The following GALNTL6 variants were observed in gnomAD, a reference collection of about 807,000 sequenced individuals.
GALNTL6 encodes the protein polypeptide N-acetylgalactosaminyltransferase like 6.
A neutral mutation model predicts 73.7 loss-of-function variants in GALNTL6; 46 were observed. That is an observed-to-expected ratio of 0.62 (90% CI 0.49 to 0.80). The LOEUF is 0.80. Among genes scored for constraint, GALNTL6 ranks in the 30% least tolerant of loss-of-function variants. GALNTL6 has a pLI of 0.00. For synonymous variants in GALNTL6, 259 were observed against 263.7 expected (o/e 0.98, Z 0.17); for missense variants, 604 against 755.0 (o/e 0.80, Z 2.34).
chr4:172,777,400 C>T (rs114932344), intron 5 of GALNTL6, among the ~76,000 whole-genome samples: 70 of 152,182 alleles, frequency 4.6e-4, no homozygotes, highest in African/African-American at 1.6e-3. Context: ...GTATTTTTCC[C>T]GTATTACCTC....
At chr4:172,033,324 A>G (rs1295940607) in intron 2 of GALNTL6, among the ~76,000 whole-genome samples, 1 of 152,044 alleles carries the variant, frequency 6.6e-6, no homozygotes, top group Non-Finnish European at 1.5e-5. Flanking sequence ...AAATATAAAT[A>G]TCGTAGTATT....
intron 5 of GALNTL6, among the ~76,000 whole-genome samples, chr4:172,421,540 T>A (rs1181436712): frequency 1.3e-5 from 2 of 151,888 alleles, no homozygotes; most frequent in African/African-American, 4.8e-5. Context: ...TATAAATTCA[T>A]AATTTATAGA....
intron 2 of GALNTL6, among the ~76,000 whole-genome samples, chr4:171,874,246 A>G (rs1471098279): frequency 1.3e-5 from 2 of 152,320 alleles, no homozygotes; most frequent in South Asian, 4.1e-4. Flanking sequence ...TCTGTCATCC[A>G]GGCTGGAGGG....
At chr4:172,007,504 C>T (rs1020910668) in intron 2 of GALNTL6, among the ~76,000 whole-genome samples, 1 of 152,028 alleles carries the variant, frequency 6.6e-6, no homozygotes, top group East Asian at 1.9e-4. Context: ...AATCAAGTAA[C>T]AGCAGCAATT....
chr4:172,454,948 A>G (rs1053910561), intron 5 of GALNTL6, among the ~76,000 whole-genome samples: 1 of 152,158 alleles, frequency 6.6e-6, no homozygotes, highest in African/African-American at 2.4e-5. Context: ...GAACAGCTCC[A>G]GTCTGCAGCT....
intron 2 of GALNTL6, among the ~76,000 whole-genome samples, chr4:171,967,451 T>TTTTTTTTTG (rs1553976664): frequency 1.5e-5 from 1 of 67,808 alleles, no homozygotes; most frequent in African/African-American, 4.3e-5. Context: ...CTATGGGTTT[T>TTTTTTTTTG]TTTTTTTTTT....
intron 2 of GALNTL6, among the ~76,000 whole-genome samples, chr4:172,144,968 T>A (rs1303586551): frequency 6.6e-6 from 1 of 151,738 alleles, no homozygotes; most frequent in African/African-American, 2.4e-5. Flanking sequence ...AATACAACAT[T>A]TTTTTTTGAG....
chr4:171,814,311 G>A (rs542011970), intron 1 of GALNTL6, 101 bp from the exon 2 acceptor site: 1 of 523,726 alleles, frequency 1.9e-6, no homozygotes, highest in Admixed American at 3.4e-5. Context: ...AGGTCAATGG[G>A]CTTAATGATT....
At chr4:172,153,203 G>A (rs1295461323) in intron 2 of GALNTL6, among the ~76,000 whole-genome samples, 1 of 152,112 alleles carries the variant, frequency 6.6e-6, no homozygotes, top group Non-Finnish European at 1.5e-5. Context: ...AAGAGATTTT[G>A]GAAAGAAGAG....
At chr4:171,971,455 T>A (rs191121501) in intron 2 of GALNTL6, among the ~76,000 whole-genome samples, 2 of 152,276 alleles carry the variant, frequency 1.3e-5, no homozygotes, top group East Asian at 3.9e-4. Context: ...ATTGGGACAT[T>A]TAGGACAGGG....
intron 5 of GALNTL6, among the ~76,000 whole-genome samples, chr4:172,520,488 TATTC>T (rs1189612679): frequency 6.6e-6 from 1 of 151,924 alleles, no homozygotes; most frequent in Non-Finnish European, 1.5e-5. Context: ...TTTGCTCATT[TATTC>T]ATTCATTCTT....
chr4:172,962,893 T>C (rs1233618788), intron 10 of GALNTL6, among the ~76,000 whole-genome samples: 1 of 152,116 alleles, frequency 6.6e-6, no homozygotes, highest in Non-Finnish European at 1.5e-5. Flanking sequence ...TCCTGGCTCA[T>C]CTCCCTGCTT....
chr4:172,476,205 A>G (rs938347213), intron 5 of GALNTL6, among the ~76,000 whole-genome samples: 2 of 152,238 alleles, frequency 1.3e-5, no homozygotes, highest in African/African-American at 4.8e-5. Flanking sequence ...GTGAATGGGA[A>G]GTCCCAGATC....
At chr4:172,290,548 A>C (rs1256163875) in intron 3 of GALNTL6, among the ~76,000 whole-genome samples, 2 of 152,184 alleles carry the variant, frequency 1.3e-5, no homozygotes, top group East Asian at 3.9e-4. Context: ...CTTCTAATAC[A>C]TTGGCTCTCC....
chr4:172,036,390 T>C (rs115971920), intron 2 of GALNTL6, among the ~76,000 whole-genome samples: 160 of 152,226 alleles, frequency 1.1e-3, no homozygotes, highest in African/African-American at 3.8e-3. Flanking sequence ...TAACTAATAA[T>C]ACATTGAATA....
chr4:172,251,925 C>T (rs937120046), intron 3 of GALNTL6, among the ~76,000 whole-genome samples: 7 of 152,002 alleles, frequency 4.6e-5, no homozygotes, highest in African/African-American at 1.7e-4. Flanking sequence ...CTCTCTGGAA[C>T]TAAAAACGTG....
At chr4:172,854,415 C>A (rs1744017404) in intron 7 of GALNTL6, among the ~76,000 whole-genome samples, 2 of 152,190 alleles carry the variant, frequency 1.3e-5, no homozygotes, top group South Asian at 4.1e-4. Context: ...CAAATATAAA[C>A]CAAAGAATTA....
intron 3 of GALNTL6, among the ~76,000 whole-genome samples, chr4:172,251,140 T>C (rs978169500): frequency 1.3e-5 from 2 of 152,060 alleles, no homozygotes; most frequent in African/African-American, 4.8e-5. Context: ...AAGTCCAAAA[T>C]CTGATGGTGG....
chr4:171,949,841 G>A (rs1738816711), intron 2 of GALNTL6, among the ~76,000 whole-genome samples: 3 of 152,120 alleles, frequency 2.0e-5, no homozygotes, highest in Admixed American at 2.0e-4. Flanking sequence ...ATGGTAGAAT[G>A]CGTAAAAGAG....
Sources: gnomAD v4.1 joint callset for allele counts (sites outside exome capture counted in the v4.1 genomes callset) on GRCh38, gnomAD v4.1.1 for gene constraint, MANE v1.5 for transcripts, NCBI Gene and HGNC (gene_info 2026-07-23, HGNC 2026-07-21) for gene names.